Variants in HCFC1 observed in about 807,000 individuals in gnomAD.
The protein encoded by HCFC1 is host cell factor C1, also known as host cell factor 1.
A neutral mutation model predicts 105.5 loss-of-function variants in HCFC1; 7 were observed. That is an observed-to-expected ratio of 0.07 (90% CI 0.04 to 0.12). HCFC1 has a LOEUF of 0.12. HCFC1 is among the 10% of genes least tolerant of loss of function. The pLI is 1.00. For missense variants in HCFC1, 1,065 were observed against 1,823.6 expected (o/e 0.58, Z 7.58); for synonymous variants, 918 against 828.1 (o/e 1.11, Z -1.86).
intron 1 of HCFC1, among the ~76,000 whole-genome samples, chrX:153,967,975 C>A (rs2065488385): frequency 9.0e-6 from 1 of 111,513 alleles, no homozygotes; most frequent in South Asian, 3.7e-4. Context: ...TGAAGGTTTG[C>A]ACTCCCGCCC....
At chrX:153,957,709 G>A (rs1398692949) in intron 12 of HCFC1, 73 bp downstream of exon 12, 3 of 848,754 alleles carry the variant, frequency 3.5e-6, no homozygotes, top group Non-Finnish European at 5.2e-6. Context: ...TCCATGGGCA[G>A]GGACATGAGT....
Position 153,971,486 on chromosome X carries a change from A to C in HCFC1, c.-646T>G, listed in dbSNP as rs1259523642. 1 of 293,111 alleles carries C rather than the reference A, an allele frequency of 3.4e-6. No individual in the cohort carries two copies. Among genetic ancestry groups the C allele is most frequent in the African/African-American group, 2.7e-5 (1 of 36,643 alleles). 24.2% of individuals were successfully genotyped at this position (293,111 alleles called of 1,213,427 possible). ...CCGGTGGAACCAGCTCGAGCTCTCGAGGGCCGTTTGGGGGCTCGCGCCGTA... is the reference window on the plus strand; with the variant it reads ...CCGGTGGAACCAGCTCGAGCTCTCGCGGGCCGTTTGGGGGCTCGCGCCGTA... On this transcript the variant is annotated 5_prime_UTR_variant, in exon 1 of 26. Transcript: ENST00000310441.
rs1557117912 is a variant in HCFC1, at chrX:153,964,725, T to G, written c.195A>C (p.Ala65=). 8.5e-7 allele frequency: 1 copy of G among 1,170,070 alleles called. No homozygotes were observed. The highest frequency in any genetic ancestry group is 1.1e-6 in the Non-Finnish European group (1 of 872,206). ...IVDELHVYNT[A]TNQWFIPAVR... is the part of the protein sequence containing the mutation. ...CGGCTGGGATGAACCACTGGTTGGTTGCTGGGGAACAGAAGGAGGCAGAAG... is the reference window on the plus strand; with the variant it reads ...CGGCTGGGATGAACCACTGGTTGGTGGCTGGGGAACAGAAGGAGGCAGAAG... The change falls in exon 2 of 26, where the codon GCA becomes GCC. Residue 65 remains alanine, a splice_region_variant and synonymous_variant. Coordinates refer to ENST00000310441, the MANE Select transcript of HCFC1 (RefSeq NM_005334.3).
intron 18 of HCFC1, 63 bp downstream of exon 18, chrX:153,953,544 G>A: frequency 9.1e-7 from 1 of 1,094,332 alleles, no homozygotes; most frequent in Non-Finnish European, 1.2e-6. Flanking sequence ...TGGCGTCTGA[G>A]TGTGGAACTG....
chrX:153,956,527 G>A (rs1370042100), intron 15 of HCFC1, 98 bp downstream of exon 15: 37 of 1,121,180 alleles, frequency 3.3e-5, no homozygotes, highest in Non-Finnish European at 4.3e-5. Flanking sequence ...CGGGAGAGAG[G>A]AGCTGCTGTG....
rs1439756712 is a variant in HCFC1 at position 153,954,795 on chromosome X, C to T, written c.3604G>A (p.Gly1202Arg). ...TGCACAAAAGCAGGGCTGCGGCCCC[C>T]GGGCTCCCGTGCCATGCTCGGCCCA... is the stretch of plus-strand genomic sequence containing the variant. The part of the protein sequence containing the change: ...LLGPSMAREP[G>R]GRSPAFVQLA... Residue 1202 changes from glycine to arginine, a missense_variant, in exon 17 of 26, where the codon GGG (glycine) becomes AGG (arginine). Gly to Arg is a moderately radical substitution (Grantham distance 125). Coordinates refer to ENST00000310441, the MANE Select transcript of HCFC1 (RefSeq NM_005334.3). 42 of 1,163,195 alleles carry T rather than the reference C, an allele frequency of 3.6e-5. No homozygotes were observed. The highest frequency in any genetic ancestry group is 4.2e-5 in the Non-Finnish European group (37 of 873,018).
chrX:153,951,339 G>T lies in HCFC1; in HGVS notation c.5517+11C>A, dbSNP rs1557112365. On this transcript the variant is annotated intron_variant, in intron 22 of 25. Coordinates refer to ENST00000310441, the MANE Select transcript of HCFC1 (RefSeq NM_005334.3). ...ACCCACCTGAGGACATCAGCACCTG[G>T]GGACACTTACGTCTGATGGGACAGC... 5.8e-6 allele frequency: 7 copies of T among 1,208,912 alleles called. No individual in the cohort carries two copies. The South Asian group carries it at 1.1e-4, about 18-fold the overall frequency.
intron 1 of HCFC1, among the ~76,000 whole-genome samples, 157 bp from the exon 2 acceptor site, chrX:153,964,883 C>T (rs993894122): frequency 8.9e-6 from 1 of 112,183 alleles, no homozygotes; most frequent in Non-Finnish European, 1.9e-5. Context: ...GGGCCATCTT[C>T]CAAACCCCTC....
chrX:153,961,738 C>T lies in HCFC1; in HGVS notation c.798-90G>A, dbSNP rs1557116970. The T allele has an allele frequency of 6.1e-6, 4 of 651,794 alleles. No homozygotes were observed. In the African/African-American group the frequency reaches 8.6e-5, roughly 14 times the overall value. 53.7% of individuals were successfully genotyped at this position (651,794 alleles called of 1,213,427 possible). On this transcript the variant is annotated intron_variant, in intron 5 of 25. Transcript: ENST00000310441. ...TGCTACCCCAGTTCTAGAGCTCAGT[C>T]CTCTGGCTCTCCCCAGGAGAGTCCC...
chrX:153,961,698 G>C (rs973138954), intron 5 of HCFC1, 50 bp from the exon 6 acceptor site: 1 of 929,462 alleles, frequency 1.1e-6, no homozygotes, highest in Non-Finnish European at 1.5e-6. Context: ...TTGGTGCCAA[G>C]CTAGAGGCCA....
At position 153,954,562 on chromosome X, in the gene HCFC1, C is replaced by T. The variant is rs926560167; in HGVS notation, c.3837G>A (p.Leu1279=). The part of the protein sequence containing the change: ...TVTVTALEAL[L]CPSATVTQVC... ...CTTGGGTCACGGTGGCCGAGGGGCA[C>T]AGCAGTGCCTCCAGGGCTGTCACAG... The change falls in exon 17 of 26, where the codon CTG becomes CTA. Residue 1279 remains leucine, a synonymous_variant. Transcript: ENST00000310441. 2.5e-6 allele frequency: 3 copies of T among 1,211,271 alleles called. No individual in the cohort carries two copies. Among genetic ancestry groups the T allele is most frequent in the Non-Finnish European group, 3.4e-6 (3 of 895,166 alleles).
rs782070583 is a variant in HCFC1, at chrX:153,952,884, G to A, written c.4572C>T (p.Ser1524=). 1.6e-5 allele frequency: 19 copies of A among 1,181,789 alleles called. No homozygotes were observed. The highest frequency in any genetic ancestry group is 1.9e-5 in the Non-Finnish European group (17 of 881,837). Reference sequence around the variant, plus strand: ...CGGCGGACTCCCCCATCAGGGCTGTGGAAGCCGACTGCAGAAGCTGCCGTG... The same window carrying A: ...CGGCGGACTCCCCCATCAGGGCTGTAGAAGCCGACTGCAGAAGCTGCCGTG... ...LPPRQLLQSA[S]TALMGESAEV... is the part of the protein sequence containing the mutation. Residue 1524 remains serine (S), a synonymous_variant, in exon 19 of 26, where the codon TCC becomes TCT. Transcript: ENST00000310441.
intron 6 of HCFC1, 35 bp from the exon 7 acceptor site, chrX:153,960,449 G>A (rs371829664): frequency 2.4e-5 from 26 of 1,089,668 alleles, no homozygotes; most frequent in Middle Eastern, 2.5e-4. Context: ...TCAGCAAGGA[G>A]GATGGAGGAA....
chrX:153,949,513 C>T, intron 25 of HCFC1, 40 bp downstream of exon 25: 1 of 1,186,256 alleles, frequency 8.4e-7, no homozygotes, highest in Non-Finnish European at 1.1e-6. Context: ...TATTTCCACC[C>T]CTAGTCTCAG....
Position 153,959,901 on chromosome X carries a change from G to A in HCFC1, c.1345C>T (p.Pro449Ser). ...GTCGGGGGTGCGGGGGCAGCCTGGG[G>A]CAGGAGCGTGATGCCTACTTGGGTC... ...PLTQVGITLL[P>S]QAAPAPPTTT... Residue 449 changes from proline (P) to serine (S), a missense_variant, in exon 8 of 26, where the codon CCC becomes TCC. By Grantham distance (74) the Pro-to-Ser change is moderately conservative. Around this residue, in one of 17 missense-constraint regions of HCFC1, gnomAD observed 101 missense variants for 155.1 expected, o/e 0.65. Coordinates refer to ENST00000310441, the MANE Select transcript of HCFC1 (RefSeq NM_005334.3). 1.7e-6 allele frequency: 2 copies of A among 1,204,860 alleles called. No individual in the cohort carries two copies. Among genetic ancestry groups the A allele is most frequent in the East Asian group, 3.0e-5 (1 of 33,718 alleles).
At position 153,957,437 on chromosome X, in the gene HCFC1, C is replaced by A; in HGVS notation, c.2230G>T (p.Ala744Ser). ...CCCAGGATGGTGGGCTTGGTCCCCG[C>A]CCCACTGGCCTGCGTGGTAGTGATG... ...TIITTTQASG[A>S]GTKPTILGIS... Residue 744 changes from alanine to serine, a missense_variant, in exon 13 of 26, where the codon GCG becomes TCG. Transcript: ENST00000310441. The A allele has an allele frequency of 3.3e-6, 4 of 1,210,234 alleles. No individual in the cohort carries two copies. Among genetic ancestry groups the A allele is most frequent in the Non-Finnish European group, 4.5e-6 (4 of 894,271 alleles).
rs1557112890 is a variant in HCFC1 at position 153,952,509 on chromosome X, C to T, written c.4942+5G>A. The T allele has an allele frequency of 1.7e-6, 2 of 1,150,035 alleles. No individual in the cohort carries two copies. The highest frequency in any genetic ancestry group is 2.3e-6 in the Non-Finnish European group (2 of 865,553). 94.8% of individuals were successfully genotyped at this position (1,150,035 alleles called of 1,213,427 possible). A position where few individuals can be genotyped will look rare whatever the true frequency, so the allele number is the denominator to read the frequency against. ...CGGCTTCCCCAGGGTTGCACCGGCA[C>T]TCACCCATGACGGCCTGCTGCGCGG... On this transcript the variant is annotated splice_donor_5th_base_variant and intron_variant, in intron 19 of 25. Transcript: ENST00000310441.
At chrX:153,958,352 T>TTCC in intron 10 of HCFC1, 103 bp from the exon 11 acceptor site, 2 of 711,250 alleles carry the variant, frequency 2.8e-6, no homozygotes, top group Non-Finnish European at 2.1e-6. Flanking sequence ...AACACTCACC[T>TTCC]TCCTCCTCCT....
rs1013019333 is a variant in HCFC1 at position 153,952,506 on chromosome X, G to A, written c.4942+8C>T. On this transcript the variant is annotated splice_region_variant and intron_variant, in intron 19 of 25. Transcript: ENST00000310441. ...GCCCGGCTTCCCCAGGGTTGCACCGGCACTCACCCATGACGGCCTGCTGCG... is the reference window on the plus strand; with the variant it reads ...GCCCGGCTTCCCCAGGGTTGCACCGACACTCACCCATGACGGCCTGCTGCG... 3.4e-5 allele frequency: 39 copies of A among 1,147,240 alleles called. No homozygotes were observed. In the African/African-American group the frequency reaches 5.9e-4, roughly 17 times the overall value. 94.5% of individuals were successfully genotyped at this position (1,147,240 alleles called of 1,213,427 possible). A position where few individuals can be genotyped will look rare whatever the true frequency, so the allele number is the denominator to read the frequency against.
Sources: gnomAD v4.1 joint callset for allele counts (sites outside exome capture counted in the v4.1 genomes callset) on GRCh38, gnomAD v4.1.1 for gene constraint, gnomAD v4.1.1 regional missense constraint, MANE v1.5 for transcripts, NCBI Gene and HGNC (gene_info 2026-07-23, HGNC 2026-07-21) for gene names.